The following SFMBT2 variants were observed in gnomAD, a reference collection of about 807,000 sequenced individuals.
SFMBT2 encodes scm-like with four MBT domains protein 2.
SFMBT2 carries 38 observed loss-of-function variants against 110.1 expected under a neutral mutation model. The observed-to-expected ratio is 0.35, with a 90% confidence interval of 0.27 to 0.45. SFMBT2 has a LOEUF of 0.45. Among genes scored for constraint, SFMBT2 ranks in the 20% least tolerant of loss-of-function variants. SFMBT2 has a pLI of 1.00. For synonymous variants in SFMBT2, 425 were observed against 425.4 expected, an observed-to-expected ratio of 1.00 and a Z score of 0.01; for missense variants, 1,011 against 1,094.9, an observed-to-expected ratio of 0.92 and a Z score of 1.08.
Position 7,367,739 on chromosome 10 carries a change from T to C in SFMBT2, c.346A>G (p.Arg116Gly). ...ACTACGTCACACCAGAAGTCGGCCC[T>C]GCGGTCCTCCCCGTAACCGCAGTAG... ...LRYCGYGEDRRADFWCDVVIA... is the reference protein window; with the variant it reads ...LRYCGYGEDRGADFWCDVVIA... Residue 116 changes from arginine (R) to glycine (G), a missense_variant, in exon 4 of 21, where the codon AGG becomes GGG. Arg to Gly is a moderately radical substitution (Grantham distance 125). Coordinates refer to ENST00000397167, the MANE Select transcript of SFMBT2 (RefSeq NM_001387889.1). This position sits in a 1 kb window ranked among gnomAD's most constrained non-coding sequence, Gnocchi z 6.2. 6.2e-7 allele frequency: 1 copy of C among 1,614,110 alleles called. No individual in the cohort carries two copies. The highest frequency in any genetic ancestry group is 8.5e-7 in the Non-Finnish European group (1 of 1,180,032).
rs143423471 is a variant in SFMBT2, at chr10:7,209,831, T to G, written c.1331-3903A>C. On this transcript the variant is annotated intron_variant, in intron 11 of 20. Transcript: ENST00000397167. ...AACCTTTATGACTTTTTGGCCTTTG[T>G]GAATGAGTTACCTATTTTGCAACCA... Among the ~76,000 whole-genome samples, 741 of 152,300 alleles carry G rather than the reference T, an allele frequency of 4.9e-3. 28 individuals carry two copies. The highest frequency in any genetic ancestry group is 0.045 in the Admixed American group (691 of 15,296).
At chr10:7,180,495 T>C (rs61835060) in intron 16 of SFMBT2, among the ~76,000 whole-genome samples, 35,003 of 151,886 alleles carry the variant, frequency 0.23, 4,606 homozygotes, top group South Asian at 0.46. Flanking sequence ...AAGGGCCCCA[T>C]CCAGGGACTG....
At chr10:7,234,438 C>A (rs1479612955) in intron 9 of SFMBT2, among the ~76,000 whole-genome samples, 1 of 152,088 alleles carries the variant, frequency 6.6e-6, no homozygotes, top group Non-Finnish European at 1.5e-5. Flanking sequence ...AGGATGGGGT[C>A]TAACATCATA....
intron 4 of SFMBT2, among the ~76,000 whole-genome samples, chr10:7,358,307 G>T (rs1844590499): frequency 7.0e-6 from 1 of 143,580 alleles, no homozygotes; most frequent in Non-Finnish European, 1.6e-5. Context: ...CATGGCCATG[G>T]AACATCTGCA....
At chr10:7,371,359 T>A (rs945845853) in intron 2 of SFMBT2, among the ~76,000 whole-genome samples, 1 of 152,098 alleles carries the variant, frequency 6.6e-6, no homozygotes, top group African/African-American at 2.4e-5. Context: ...ACTCTGAACC[T>A]CAGGTGATCC....
At chr10:7,232,436 GA>G (rs113029056) in intron 9 of SFMBT2, among the ~76,000 whole-genome samples, 2 of 151,662 alleles carry the variant, frequency 1.3e-5, no homozygotes, top group African/African-American at 4.8e-5. Flanking sequence ...AACACTGGAG[GA>G]AAAAAAATGA....
intron 16 of SFMBT2, among the ~76,000 whole-genome samples, chr10:7,187,543 T>C (rs983282523): frequency 4.6e-5 from 7 of 152,214 alleles, no homozygotes; most frequent in African/African-American, 1.7e-4. Flanking sequence ...CTTTGGTGAT[T>C]TGGCAGATTA....
At chr10:7,289,687 A>G (rs138055166) in intron 4 of SFMBT2, among the ~76,000 whole-genome samples, 2 of 152,386 alleles carry the variant, frequency 1.3e-5, no homozygotes, top group African/African-American at 4.8e-5. Context: ...AAGAAAAACT[A>G]TATCAGTTAA....
At chr10:7,364,562 A>G (rs1844829765) in intron 4 of SFMBT2, among the ~76,000 whole-genome samples, 2 of 152,264 alleles carry the variant, frequency 1.3e-5, no homozygotes, top group African/African-American at 4.8e-5. Flanking sequence ...TTCAGATTCA[A>G]GACCCCAGAA....
At chr10:7,279,382 T>TCCAA (rs1476405441) in intron 6 of SFMBT2, among the ~76,000 whole-genome samples, 1 of 152,138 alleles carries the variant, frequency 6.6e-6, no homozygotes, top group Non-Finnish European at 1.5e-5. Context: ...CTGTTTTCTT[T>TCCAA]CCAATGGTGT....
At chr10:7,258,863 A>G (rs904509752) in intron 7 of SFMBT2, among the ~76,000 whole-genome samples, 1 of 152,250 alleles carries the variant, frequency 6.6e-6, no homozygotes, top group Non-Finnish European at 1.5e-5. Context: ...ATTTCAATTT[A>G]GCCAGTGAAG....
rs543168469 is a variant in SFMBT2 at position 7,366,690 on chromosome 10, G to A, written c.436+959C>T. ...GGTGTAGAGATTCACGTAATTAGCT[G>A]CCCTCAGTTTTCTCACTTAGGGGAT... On this transcript the variant is annotated intron_variant, in intron 4 of 20. Transcript: ENST00000397167. 5.3e-5 allele frequency among the ~76,000 whole-genome samples: 8 copies of A among 152,270 alleles called. No homozygotes were observed. In the South Asian group the frequency reaches 1.7e-3, roughly 32 times the overall value.
chr10:7,280,459 AAAAG>A (rs1417550347), intron 6 of SFMBT2, among the ~76,000 whole-genome samples: 1 of 152,244 alleles, frequency 6.6e-6, no homozygotes, highest in Admixed American at 6.5e-5. Context: ...TAGAGAAAGA[AAAAG>A]AAACTCAAAA....
chr10:7,238,415 A>G (rs1052855034), intron 9 of SFMBT2, among the ~76,000 whole-genome samples: 1 of 152,164 alleles, frequency 6.6e-6, no homozygotes, highest in African/African-American at 2.4e-5. Context: ...GAATGTTAGC[A>G]TCTGTTGAAG....
intron 2 of SFMBT2, among the ~76,000 whole-genome samples, chr10:7,376,137 C>G (rs909080034): frequency 2.6e-5 from 4 of 152,114 alleles, no homozygotes; most frequent in African/African-American, 9.7e-5. Flanking sequence ...CTACTGAACA[C>G]TGTGTCAGCA....
At chr10:7,205,478 T>C in intron 12 of SFMBT2, 1 of 984,922 alleles carries the variant, frequency 1.0e-6, no homozygotes, top group South Asian at 4.7e-5. Context: ...ATCAGTTCTT[T>C]TAAAGAAATG....
At chr10:7,165,113 C>T (rs1040896479) in intron 20 of SFMBT2, among the ~76,000 whole-genome samples, 1 of 152,072 alleles carries the variant, frequency 6.6e-6, no homozygotes, top group African/African-American at 2.4e-5. Context: ...CTCAATCGTC[C>T]AGAGGGAGTC....
intron 7 of SFMBT2, among the ~76,000 whole-genome samples, chr10:7,257,121 G>A (rs181906364): frequency 3.2e-5 from 4 of 124,034 alleles, no homozygotes; most frequent in South Asian, 2.7e-4. Context: ...GGGAGGGGAG[G>A]GGAAAGAAAA....
chr10:7,381,885 A>G lies in SFMBT2; in HGVS notation c.14T>C (p.Leu5Ser), dbSNP rs747661488. Residue 5 changes from leucine (L) to serine (S), a missense_variant, in exon 2 of 21, where the codon TTG becomes TCG. This residue lies in a region of SFMBT2 where 979 missense variants were observed against 1,016.1 expected (regional missense o/e 0.96). Coordinates refer to ENST00000397167, the MANE Select transcript of SFMBT2 (RefSeq NM_001387889.1). ...AGGGTCTTGCATATTGGAAGCTGACAAAGTGCTCTCCATGCCTGATGAGCA... is the reference window on the plus strand; with the variant it reads ...AGGGTCTTGCATATTGGAAGCTGACGAAGTGCTCTCCATGCCTGATGAGCA... MEST[L>S]SASNMQDPSS... 1 of 1,611,396 alleles carries G rather than the reference A, an allele frequency of 6.2e-7. No individual in the cohort carries two copies. The highest frequency in any genetic ancestry group is 8.5e-7 in the Non-Finnish European group (1 of 1,177,928).
Sources: allele counts gnomAD v4.1 joint callset (sites outside exome capture counted in the v4.1 genomes callset), GRCh38; gene constraint gnomAD v4.1.1; regional missense constraint gnomAD v4.1.1; non-coding constraint Gnocchi (gnomAD v3.1); transcripts MANE v1.5; gene names NCBI Gene and HGNC (gene_info 2026-07-23, HGNC 2026-07-21).